Variants in VTI1A observed in about 807,000 individuals in gnomAD.
The protein encoded by VTI1A is vesicle transport through interaction with t-SNAREs 1A.
VTI1A carries 22 observed loss-of-function variants against 34.9 expected under a neutral mutation model. That is an observed-to-expected ratio of 0.63 (90% CI 0.45 to 0.90). VTI1A has a LOEUF of 0.90. VTI1A is among the 40% of genes least tolerant of loss of function. The probability of loss-of-function intolerance (pLI) is 0.00; values close to 1 mark genes in which losing one functional copy is unlikely to be tolerated. For synonymous variants in VTI1A, 87 were observed against 97.3 expected, an observed-to-expected ratio of 0.89 and a Z score of 0.62; for missense variants, 268 against 275.6, an observed-to-expected ratio of 0.97 and a Z score of 0.20.
At chr10:112,755,260 A>AAAAAG (rs377704525) in intron 7 of VTI1A, among the ~76,000 whole-genome samples, 6 of 151,478 alleles carry the variant, frequency 4.0e-5, no homozygotes, top group Non-Finnish European at 8.8e-5. Flanking sequence ...TCTCAAAAAA[A>AAAAAG]AAAGAAAGAA....
chr10:112,741,647 T>C (rs1195705639), intron 7 of VTI1A, among the ~76,000 whole-genome samples: 1 of 152,206 alleles, frequency 6.6e-6, no homozygotes, highest in Non-Finnish European at 1.5e-5. Context: ...TGAAGATATT[T>C]TCAGATAAAA....
At chr10:112,546,404 A>G (rs1256199871) in intron 5 of VTI1A, among the ~76,000 whole-genome samples, 3 of 152,076 alleles carry the variant, frequency 2.0e-5, no homozygotes, top group Non-Finnish European at 4.4e-5. Context: ...CCCTCTCTAT[A>G]AAAAATTAAT....
chr10:112,828,539 G>A, the VTI1A span, among the ~76,000 whole-genome samples: 5 of 151,786 alleles, frequency 3.3e-5, no homozygotes, highest in African/African-American at 1.2e-4. Flanking sequence ...CCAAGTAGCT[G>A]GGACTACAGG....
At chr10:112,481,158 C>T (rs1003355304) in intron 3 of VTI1A, among the ~76,000 whole-genome samples, 1 of 151,918 alleles carries the variant, frequency 6.6e-6, no homozygotes, top group African/African-American at 2.4e-5. Context: ...TATTTTTCTC[C>T]TTGAATCTTT....
intron 5 of VTI1A, among the ~76,000 whole-genome samples, chr10:112,577,897 T>C (rs1843771176): frequency 6.6e-6 from 1 of 152,234 alleles, no homozygotes; most frequent in Non-Finnish European, 1.5e-5. Context: ...CCGTTCGCTG[T>C]TTAAGTTTCA....
At chr10:112,565,494 C>A (rs897526235) in intron 5 of VTI1A, among the ~76,000 whole-genome samples, 3 of 152,060 alleles carry the variant, frequency 2.0e-5, no homozygotes, top group African/African-American at 7.2e-5. Flanking sequence ...TTGCAAATAG[C>A]AGGGAAAGTC....
intron 3 of VTI1A, among the ~76,000 whole-genome samples, chr10:112,477,995 T>C (rs1266493178): frequency 9.2e-5 from 14 of 152,180 alleles, no homozygotes; most frequent in African/African-American, 2.9e-4. Context: ...TGCAGATTTA[T>C]ATTCATTTTA....
chr10:112,635,668 A>T (rs1051289050), intron 5 of VTI1A, among the ~76,000 whole-genome samples: 3 of 152,212 alleles, frequency 2.0e-5, no homozygotes, highest in Non-Finnish European at 2.9e-5. Context: ...AACAGTAGGA[A>T]TGGAAAAGAA....
At chr10:112,806,287 T>TA (rs1475838438) in intron 7 of VTI1A, among the ~76,000 whole-genome samples, 2 of 152,152 alleles carry the variant, frequency 1.3e-5, no homozygotes, top group African/African-American at 4.8e-5. Context: ...TCCCTTTTTT[T>TA]TTATTATTTT....
chr10:112,643,493 T>C (rs1324679325), intron 5 of VTI1A, among the ~76,000 whole-genome samples: 1 of 152,210 alleles, frequency 6.6e-6, no homozygotes, highest in Admixed American at 6.5e-5. Context: ...TTGAGACCAT[T>C]GTACAAAGCC....
At chr10:112,710,207 T>G (rs1849362346) in intron 7 of VTI1A, among the ~76,000 whole-genome samples, 1 of 114,886 alleles carries the variant, frequency 8.7e-6, no homozygotes, top group African/African-American at 5.8e-5. Flanking sequence ...CCAGTTAATG[T>G]CTTTTTTTTT....
intron 5 of VTI1A, among the ~76,000 whole-genome samples, chr10:112,577,742 C>T (rs894763855): frequency 1.3e-5 from 2 of 152,124 alleles, no homozygotes; most frequent in Non-Finnish European, 2.9e-5. Flanking sequence ...GATGGACAAG[C>T]TGGAAATATA....
intron 3 of VTI1A, among the ~76,000 whole-genome samples, chr10:112,512,314 AT>A (rs796257296): frequency 6.6e-6 from 1 of 152,052 alleles, no homozygotes; most frequent in Non-Finnish European, 1.5e-5. Flanking sequence ...TATATCGAGC[AT>A]TTTTTCATAT....
the VTI1A span, chr10:112,826,017 CTG>C: frequency 6.6e-6 from 1 of 152,176 alleles, no homozygotes; most frequent in African/African-American, 2.4e-5. Context: ...GAAAGTGAGA[CTG>C]GGGAAGAAAG....
intron 4 of VTI1A, among the ~76,000 whole-genome samples, chr10:112,532,249 ATACT>A: frequency 6.6e-6 from 1 of 152,238 alleles, no homozygotes. Context: ...AGTAAACATG[ATACT>A]TACAGAGACT....
intron 7 of VTI1A, among the ~76,000 whole-genome samples, chr10:112,730,698 T>C (rs1367839932): frequency 1.3e-5 from 2 of 152,116 alleles, no homozygotes; most frequent in East Asian, 3.8e-4. Flanking sequence ...ACTTTTCTTG[T>C]CAGCAGTTTA....
intron 5 of VTI1A, among the ~76,000 whole-genome samples, chr10:112,649,782 G>C (rs1846939274): frequency 6.6e-6 from 1 of 152,170 alleles, no homozygotes; most frequent in South Asian, 2.1e-4. Flanking sequence ...AACCTGTATA[G>C]TATGTTACTG....
chr10:112,659,387 G>A (rs912261797), intron 5 of VTI1A, among the ~76,000 whole-genome samples: 1 of 152,096 alleles, frequency 6.6e-6, no homozygotes, highest in African/African-American at 2.4e-5. Flanking sequence ...ATTTTTGAAT[G>A]GAGCTGTAAT....
intron 7 of VTI1A, among the ~76,000 whole-genome samples, chr10:112,771,843 T>A (rs1851822016): frequency 6.6e-6 from 1 of 152,236 alleles, no homozygotes; most frequent in Admixed American, 6.5e-5. Context: ...TAGTATAATG[T>A]TTTTAAGGTT....
Sources: allele counts gnomAD v4.1 joint callset (sites outside exome capture counted in the v4.1 genomes callset), GRCh38; gene constraint gnomAD v4.1.1; transcripts MANE v1.5; gene names NCBI Gene and HGNC (gene_info 2026-07-23, HGNC 2026-07-21).